Variants in MTNR1B observed in about 807,000 individuals in gnomAD.
MTNR1B encodes the protein melatonin receptor type 1B.
Under a neutral mutation model 7.0 loss-of-function variants are expected in MTNR1B, and 7 were observed. That is an observed-to-expected ratio of 1.00 (90% CI 0.57 to 1.88). The LOEUF (loss-of-function observed/expected upper bound fraction) is 1.88. Ranked by LOEUF, MTNR1B falls within the 40% of genes most tolerant of loss-of-function variation. The pLI, the probability that MTNR1B is intolerant of heterozygous loss-of-function variation, is 0.00. For missense variants in MTNR1B, 478 were observed against 486.5 expected (o/e 0.98, Z 0.16); for synonymous variants, 226 against 208.2 (o/e 1.09, Z -0.74).
chr11:92,978,067 C>G (rs1249241939), intron 1 of MTNR1B, among the ~76,000 whole-genome samples: 1 of 152,164 alleles, frequency 6.6e-6, no homozygotes, highest in Admixed American at 6.5e-5. Flanking sequence ...TTCTCTCTTT[C>G]TATCTTGTCT....
At chr11:92,977,788 G>A (rs1403785109) in intron 1 of MTNR1B, among the ~76,000 whole-genome samples, 2 of 152,250 alleles carry the variant, frequency 1.3e-5, no homozygotes, top group East Asian at 3.8e-4. Flanking sequence ...CTTGAATGTG[G>A]TAGGCACTCA....
At chr11:92,972,544 T>TGG in intron 1 of MTNR1B, 1 of 454,542 alleles carries the variant, frequency 2.2e-6, no homozygotes, top group South Asian at 1.6e-5. Flanking sequence ...CAGGGAGGAG[T>TGG]GGAGGCAAGG....
Position 92,981,527 on chromosome 11 carries a change from T to A in MTNR1B, c.304T>A (p.Phe102Ile). Residue 102 changes from phenylalanine to isoleucine, a missense_variant, in exon 2 of 2, where the codon TTC becomes ATC. Phe to Ile is a conservative substitution (Grantham distance 21). Transcript: ENST00000257068. ...YPYPLILVAI[F>I]YDGWALGEEH... ...CTACCCGCTAATCCTCGTGGCCATC[T>A]TCTATGACGGCTGGGCCCTGGGGGA... 1 of 1,614,176 alleles carries A rather than the reference T, an allele frequency of 6.2e-7. No homozygotes were observed. Among genetic ancestry groups the A allele is most frequent in the Admixed American group, 1.7e-5 (1 of 60,028 alleles).
intron 1 of MTNR1B, among the ~76,000 whole-genome samples, chr11:92,970,200 GGCCGGGC>G (rs1240249370): frequency 6.6e-6 from 1 of 152,166 alleles, no homozygotes; most frequent in African/African-American, 2.4e-5. Context: ...CGCGCTTTTT[GGCCGGGC>G]GCCGGCGCTG....
chr11:92,972,498 G>A (rs1857946761), intron 1 of MTNR1B: 1 of 455,972 alleles, frequency 2.2e-6, no homozygotes, highest in Non-Finnish European at 4.4e-6. Context: ...TGCATGTGGT[G>A]GGTTGACTTC....
chr11:92,975,592 T>C (rs931836145), intron 1 of MTNR1B, among the ~76,000 whole-genome samples: 3 of 152,322 alleles, frequency 2.0e-5, no homozygotes, highest in Middle Eastern at 3.4e-3. Flanking sequence ...GGGAATATTC[T>C]GCCTATGCAG....
At chr11:92,977,052 T>TTGA (rs1490881812) in intron 1 of MTNR1B, among the ~76,000 whole-genome samples, 1 of 152,250 alleles carries the variant, frequency 6.6e-6, no homozygotes, top group East Asian at 1.9e-4. Flanking sequence ...ATGATCTCTT[T>TTGA]TGATGGTTAT....
intron 1 of MTNR1B, among the ~76,000 whole-genome samples, chr11:92,970,908 C>T (rs966718947): frequency 6.6e-6 from 1 of 152,052 alleles, no homozygotes; most frequent in Non-Finnish European, 1.5e-5. Flanking sequence ...TCTAAGGAGT[C>T]AGACCATTTT....
downstream of MTNR1B, among the ~76,000 whole-genome samples, chr11:92,984,283 C>A (rs1352029193): frequency 1.3e-5 from 2 of 152,166 alleles, no homozygotes; most frequent in Non-Finnish European, 1.5e-5. Context: ...ATCTTCTGGG[C>A]TCTGACAACA....
At chr11:92,976,931 A>G (rs1190390291) in intron 1 of MTNR1B, among the ~76,000 whole-genome samples, 2 of 152,248 alleles carry the variant, frequency 1.3e-5, no homozygotes, top group Admixed American at 6.5e-5. Flanking sequence ...GTGAAAAACA[A>G]TGGAGTCCAT....
At chr11:92,983,534 AAG>A (rs1491486005), downstream of MTNR1B, among the ~76,000 whole-genome samples, 30 of 150,182 alleles carry the variant, frequency 2.0e-4, no homozygotes, top group Non-Finnish European at 3.4e-4. Context: ...AAAAAAAAAA[AAG>A]AAGAAGAAGT....
intron 1 of MTNR1B, among the ~76,000 whole-genome samples, chr11:92,973,460 C>T (rs1047852144): frequency 6.6e-6 from 1 of 152,180 alleles, no homozygotes; most frequent in Non-Finnish European, 1.5e-5. Flanking sequence ...TGCGGCTGGC[C>T]TAGCCCACCT....
rs560369805 is a variant in MTNR1B, at chr11:92,978,041, A to G, written c.224-3406A>G. ...GTATATACTCAGCAATATTTGTCAC[A>G]TAAATGACTTGATGATTCTCTCTTT... is the stretch of plus-strand genomic sequence containing the variant. On this transcript the variant is annotated intron_variant, in intron 1 of 1. Transcript: ENST00000257068. Among the ~76,000 whole-genome samples, 9 of 152,344 alleles carry G rather than the reference A, an allele frequency of 5.9e-5. No homozygotes were observed. The East Asian group carries it at 1.7e-3, about 29-fold the overall frequency.
chr11:92,970,034 C>T, intron 1 of MTNR1B, 86 bp downstream of exon 1: 1 of 1,375,592 alleles, frequency 7.3e-7, no homozygotes, highest in South Asian at 1.7e-5. Context: ...TATGCGCTGC[C>T]TTTTCCCTCC....
chr11:92,974,898 G>A (rs1226605337), intron 1 of MTNR1B, among the ~76,000 whole-genome samples: 7 of 152,158 alleles, frequency 4.6e-5, no homozygotes, highest in South Asian at 2.1e-4. Flanking sequence ...CACCGCGCCC[G>A]GCCTAATTTT....
chr11:92,981,075 A>G (rs1858095325), intron 1 of MTNR1B, among the ~76,000 whole-genome samples: 1 of 152,216 alleles, frequency 6.6e-6, no homozygotes, highest in African/African-American at 2.4e-5. Context: ...CTCCTCCGAA[A>G]TCTTTGCTGG....
intron 1 of MTNR1B, among the ~76,000 whole-genome samples, chr11:92,977,028 A>G (rs1465657010): frequency 6.6e-6 from 1 of 152,252 alleles, no homozygotes; most frequent in Non-Finnish European, 1.5e-5. Flanking sequence ...AATGTTACCT[A>G]TCAGAATTTC....
At chr11:92,982,912 GCCA>G (rs908416577), downstream of MTNR1B, 3 of 129,224 alleles carry the variant, frequency 2.3e-5, no homozygotes, top group African/African-American at 8.9e-5. Context: ...CACACACATA[GCCA>G]CCACATCACA....
At chr11:92,974,540 T>G (rs1857981854) in intron 1 of MTNR1B, among the ~76,000 whole-genome samples, 2 of 152,134 alleles carry the variant, frequency 1.3e-5, no homozygotes, top group Admixed American at 1.3e-4. Context: ...CTCGGCTTAC[T>G]GCAACCTCTC....
Sources: allele counts gnomAD v4.1 joint callset (sites outside exome capture counted in the v4.1 genomes callset), GRCh38; gene constraint gnomAD v4.1.1; transcripts MANE v1.5; gene names NCBI Gene and HGNC (gene_info 2026-07-23, HGNC 2026-07-21).